HNRNPAB: variants seen among roughly 807,000 people sequenced by gnomAD.
HNRNPAB encodes the protein heterogeneous nuclear ribonucleoprotein A/B, also known as ABBP-1.
A neutral mutation model predicts 44.1 loss-of-function variants in HNRNPAB; 17 were observed. The ratio of observed to expected loss-of-function variants is 0.39; its 90% CI spans 0.26 to 0.58. HNRNPAB has a LOEUF of 0.58. HNRNPAB is among the 20% of genes least tolerant of loss of function. The probability of loss-of-function intolerance (pLI) is 0.63; values close to 1 mark genes in which losing one functional copy is unlikely to be tolerated. For missense variants in HNRNPAB, 393 were observed against 432.7 expected (o/e 0.91, Z 0.81); for synonymous variants, 183 against 167.6 (o/e 1.09, Z -0.71).
At chr5:178,210,301 G>A (rs769474365) in intron 7 of HNRNPAB, 29 bp downstream of exon 7, 60 of 1,613,552 alleles carry the variant, frequency 3.7e-5, no homozygotes, top group South Asian at 1.2e-4. Flanking sequence ...GGCCCCATCC[G>A]CTCACCCCTC....
At position 178,210,829 on chromosome 5, in the gene HNRNPAB, C is replaced by T; in HGVS notation, c.*206C>T. 1.7e-6 allele frequency: 1 copy of T among 591,082 alleles called. No individual in the cohort carries two copies. Among genetic ancestry groups the T allele is most frequent in the Admixed American group, 2.9e-5 (1 of 34,454 alleles). 36.6% of individuals were successfully genotyped at this position (591,082 alleles called of 1,614,324 possible). ...AGGCAGCGTGTGGTGTCTGAGAGGC[C>T]ATAGCGCCATCATGGGCTGATTTTT... On this transcript the variant is annotated 3_prime_UTR_variant, in exon 8 of 8. Transcript: ENST00000358344.
intron 5 of HNRNPAB, among the ~76,000 whole-genome samples, chr5:178,208,002 C>T (rs904899271): frequency 9.9e-5 from 15 of 152,186 alleles, no homozygotes; most frequent in African/African-American, 3.1e-4. Context: ...TAAGTTAACC[C>T]TAAACCCAGG....
chr5:178,209,886 GTGAC>G (rs1188897051), intron 6 of HNRNPAB, among the ~76,000 whole-genome samples: 1 of 152,270 alleles, frequency 6.6e-6, no homozygotes, highest in African/African-American at 2.4e-5. Context: ...TGATCAGAGA[GTGAC>G]TGAGTGAGTG....
rs752399109 is a variant in HNRNPAB, at chr5:178,205,899, T to C, written c.267T>C (p.Tyr89=). The C allele has an allele frequency of 6.2e-7, 1 of 1,614,018 alleles. No individual in the cohort carries two copies. Among genetic ancestry groups the C allele is most frequent in the African/African-American group, 1.3e-5 (1 of 74,934 alleles). Residue 89 remains tyrosine (Y), a synonymous_variant, in exon 3 of 8, where the codon TAT becomes TAC. Coordinates refer to ENST00000358344, the MANE Select transcript of HNRNPAB (RefSeq NM_031266.3). ...CTAGCAAAAAAGATTTAAAAGACTA[T>C]TTTACTAAATTTGGAGAGGTCGTTG... ...WDTSKKDLKD[Y]FTKFGEVVDC... is the part of the protein sequence containing the mutation.
chr5:178,210,806 G>T lies in HNRNPAB; in HGVS notation c.*183G>T. On this transcript the variant is annotated 3_prime_UTR_variant, in exon 8 of 8. Coordinates refer to ENST00000358344, the MANE Select transcript of HNRNPAB (RefSeq NM_031266.3). ...TATTTCCAGAGCTCTAGGTGTTTAG[G>T]CAGCGTGTGGTGTCTGAGAGGCCAT... 2 of 615,654 alleles carry T rather than the reference G, an allele frequency of 3.2e-6. No homozygotes were observed. Among genetic ancestry groups the T allele is most frequent in the Non-Finnish European group, 5.8e-6 (2 of 342,356 alleles). The allele number at this position is 615,654 out of a possible 1,614,324, so 38.1% of individuals were successfully genotyped here.
intron 3 of HNRNPAB, 123 bp from the exon 4 acceptor site, chr5:178,206,609 G>C: frequency 1.0e-6 from 1 of 955,078 alleles, no homozygotes; most frequent in Non-Finnish European, 1.6e-6. Context: ...GGTTAAGCTG[G>C]GGTAGAATTT....
intron 5 of HNRNPAB, among the ~76,000 whole-genome samples, chr5:178,207,433 G>C (rs1271296894): frequency 6.6e-6 from 1 of 152,200 alleles, no homozygotes; most frequent in Non-Finnish European, 1.5e-5. Context: ...AACAACACAG[G>C]ATGTGAGGGA....
rs138724496 is a variant in HNRNPAB, at chr5:178,209,487, C to T, written c.787+40C>T. 538 of 1,546,952 alleles carry T rather than the reference C, an allele frequency of 3.5e-4. 2 individuals carry two copies. The African/African-American group carries it at 6.7e-3, about 19-fold the overall frequency. On this transcript the variant is annotated intron_variant, in intron 6 of 7. Coordinates refer to ENST00000358344, the MANE Select transcript of HNRNPAB (RefSeq NM_031266.3). ...GATGAAGATAGGTCCTGTTTCCCTG[C>T]CTACATGGAGCCTTCCAAGCCTGTC... is the stretch of plus-strand genomic sequence containing the variant.
Position 178,206,908 on chromosome 5 carries a change from A to G in HNRNPAB, c.537+18A>G, listed in dbSNP as rs754089233. ...TTGGGGAGGTGAGTGTGGCTCTGGGAATAGCCCATCAGCTGCCCCTAAGGC... is the reference window on the plus strand; with the variant it reads ...TTGGGGAGGTGAGTGTGGCTCTGGGGATAGCCCATCAGCTGCCCCTAAGGC... On this transcript the variant is annotated intron_variant, in intron 4 of 7. Coordinates refer to ENST00000358344, the MANE Select transcript of HNRNPAB (RefSeq NM_031266.3). 6 of 1,613,612 alleles carry G rather than the reference A, an allele frequency of 3.7e-6. No individual in the cohort carries two copies. The Admixed American group carries it at 8.3e-5, about 22-fold the overall frequency.
chr5:178,210,305 A>AC (rs781091002), intron 7 of HNRNPAB, 33 bp downstream of exon 7: 2 of 1,613,092 alleles, frequency 1.2e-6, no homozygotes, highest in South Asian at 1.1e-5. Context: ...CCATCCGCTC[A>AC]CCCCTCGTCC....
intron 5 of HNRNPAB, chr5:178,209,037 C>T (rs1757340761): frequency 5.4e-6 from 2 of 369,810 alleles, no homozygotes; most frequent in South Asian, 5.7e-5. Flanking sequence ...GTCCTCTGCT[C>T]CCCTGGGCTG....
At chr5:178,206,988 CTTAT>C in intron 4 of HNRNPAB, 98 bp downstream of exon 4, 2 of 1,584,374 alleles carry the variant, frequency 1.3e-6, no homozygotes, top group South Asian at 1.2e-5. Context: ...CCAGGCAGGG[CTTAT>C]TTTTCACCCT....
chr5:178,206,060 C>G, intron 3 of HNRNPAB, 50 bp downstream of exon 3: 1 of 1,516,030 alleles, frequency 6.6e-7, no homozygotes, highest in South Asian at 1.1e-5. Flanking sequence ...GATTTGAATT[C>G]TAAGAGGACA....
chr5:178,210,564 A>C lies in HNRNPAB; in HGVS notation c.940A>C (p.Thr314Pro), dbSNP rs757122481. Residue 314 changes from threonine to proline, a missense_variant, in exon 8 of 8, where the codon ACA becomes CCA. Around this residue, in one of 3 missense-constraint regions of HNRNPAB, gnomAD observed 210 missense variants for 196.9 expected, o/e 1.07. Coordinates refer to ENST00000358344, the MANE Select transcript of HNRNPAB (RefSeq NM_031266.3). Reference protein sequence around the residue: ...GPGYDYSQGSTNYGKSQRRGG... With the variant: ...GPGYDYSQGSPNYGKSQRRGG... Reference sequence around the variant, plus strand: ...GTTCTCGTCCCTAGGTCAGGGTAGTACAAACTACGGCAAGAGCCAGCGACG... The same window carrying C: ...GTTCTCGTCCCTAGGTCAGGGTAGTCCAAACTACGGCAAGAGCCAGCGACG... 1.2e-6 allele frequency: 2 copies of C among 1,614,140 alleles called. No homozygotes were observed. Among genetic ancestry groups the C allele is most frequent in the Admixed American group, 1.7e-5 (1 of 60,030 alleles).
intron 5 of HNRNPAB, 56 bp from the exon 6 acceptor site, chr5:178,209,274 C>A: frequency 7.4e-7 from 1 of 1,349,430 alleles, no homozygotes; most frequent in Non-Finnish European, 1.1e-6. Flanking sequence ...GGTGTTTGGG[C>A]AGTCACTGCC....
intron 7 of HNRNPAB, 24 bp from the exon 8 acceptor site, chr5:178,210,529 T>C (rs760416878): frequency 6.2e-7 from 1 of 1,610,166 alleles, no homozygotes; most frequent in Non-Finnish European, 8.5e-7. Context: ...AAATAGTAGC[T>C]GCTATGGTTG....
chr5:178,204,895 C>T lies in HNRNPAB; in HGVS notation c.58C>T (p.His20Tyr). The change falls in exon 2 of 8, where the codon CAT becomes TAT. Residue 20 changes from histidine (H) to tyrosine (Y), a missense_variant. His to Tyr is a moderately conservative substitution (Grantham distance 83). Coordinates refer to ENST00000358344, the MANE Select transcript of HNRNPAB (RefSeq NM_031266.3). ...METTGATENG[H>Y]EAVPEGESPA... ...GACGACGGGCGCCACCGAGAACGGACATGAGGCCGTCCCCGAAGGCGAGTC... is the reference window on the plus strand; with the variant it reads ...GACGACGGGCGCCACCGAGAACGGATATGAGGCCGTCCCCGAAGGCGAGTC... 1.7e-6 allele frequency: 2 copies of T among 1,211,718 alleles called. No individual in the cohort carries two copies. The highest frequency in any genetic ancestry group is 2.1e-6 in the Non-Finnish European group (2 of 974,956). The allele number at this position is 1,211,718 out of a possible 1,614,324, so 75.1% of individuals were successfully genotyped here. A position where few individuals can be genotyped will look rare whatever the true frequency, so the allele number is the denominator to read the frequency against.
chr5:178,204,730 T>TCGGCGGCGAGGTGAG lies in HNRNPAB; in HGVS notation c.-26_-24+12dup. The stretch of plus-strand genomic sequence containing the variant: ...GGGACGAGCGGGCCCCGCGGCGTCA[T>TCGGCGGCGAGGTGAG]CGGCGGCGAGGTGAGCGGCGGCCGG... On this transcript the variant is annotated 5_prime_UTR_variant, in exon 1 of 8. Transcript: ENST00000358344. The TCGGCGGCGAGGTGAG allele has an allele frequency of 1.6e-6, 1 of 618,860 alleles. No homozygotes were observed. The highest frequency in any genetic ancestry group is 8.0e-5 in the South Asian group (1 of 12,526). 38.3% of individuals were successfully genotyped at this position (618,860 alleles called of 1,614,324 possible).
At position 178,207,256 on chromosome 5, in the gene HNRNPAB, T is replaced by C. The variant is rs370149179; in HGVS notation, c.669+31T>C. On this transcript the variant is annotated intron_variant, in intron 5 of 7. Coordinates refer to ENST00000358344, the MANE Select transcript of HNRNPAB (RefSeq NM_031266.3). ...GTGTTCCCAGCTCTGCTTGGCCTCC[T>C]GTGCTGCTGGAGAGCTGGCCCTTAG... 5.0e-6 allele frequency: 8 copies of C among 1,612,124 alleles called. No homozygotes were observed. The African/African-American group carries it at 1.1e-4, about 22-fold the overall frequency.
Sources: gnomAD v4.1 joint callset for allele counts (sites outside exome capture counted in the v4.1 genomes callset) on GRCh38, gnomAD v4.1.1 for gene constraint, gnomAD v4.1.1 regional missense constraint, MANE v1.5 for transcripts, NCBI Gene and HGNC (gene_info 2026-07-23, HGNC 2026-07-21) for gene names.